SRD5A1: variants seen among roughly 807,000 people sequenced by gnomAD.
SRD5A1 encodes 3-oxo-5-alpha-steroid 4-dehydrogenase 1.
A neutral mutation model predicts 28.2 loss-of-function variants in SRD5A1; 22 were observed. The observed-to-expected ratio is 0.78, with a 90% CI of 0.56 to 1.12. The LOEUF (loss-of-function observed/expected upper bound fraction) is 1.12, where lower values mean the gene tolerates loss of function less well. Among genes scored for constraint, SRD5A1 ranks in the 50% most tolerant of loss-of-function variants. SRD5A1 has a pLI of 0.00. For missense variants in SRD5A1, 300 were observed against 346.7 expected, an observed-to-expected ratio of 0.87 and a Z score of 1.07; for synonymous variants, 151 against 135.0, an observed-to-expected ratio of 1.12 and a Z score of -0.82.
At position 6,667,113 on chromosome 5, in the gene SRD5A1, G is replaced by A. The variant is rs185355239; in HGVS notation, c.714-1089G>A. ...GCGAACATGTTTGCAATGCACTTTC[G>A]CAGGTTTGACACCAGCTGTTAGGCT... On this transcript the variant is annotated intron_variant, in intron 4 of 4. Coordinates refer to ENST00000274192, the MANE Select transcript of SRD5A1 (RefSeq NM_001047.4). Among the ~76,000 whole-genome samples, 234 of 152,292 alleles carry A rather than the reference G, an allele frequency of 1.5e-3. 2 individuals carry two copies. Among genetic ancestry groups the A allele is most frequent in the African/African-American group, 4.0e-3 (165 of 41,558 alleles).
rs8192252 is a variant in SRD5A1, at chr5:6,667,830, T to A, written c.714-372T>A. ...TGCAGGCTGGAGAAAACTGCTGGAG[T>A]CACCAGCAGGTATTCAGGAAGCACC... On this transcript the variant is annotated intron_variant, in intron 4 of 4. Coordinates refer to ENST00000274192, the MANE Select transcript of SRD5A1 (RefSeq NM_001047.4). Among the ~76,000 whole-genome samples the A allele has an allele frequency of 2.0e-5, 3 of 152,056 alleles. No homozygotes were observed. The East Asian group carries it at 5.8e-4, about 29-fold the overall frequency.
chr5:6,662,729 T>C (rs535455349), intron 3 of SRD5A1, 87 bp from the exon 4 acceptor site: 8 of 1,414,456 alleles, frequency 5.7e-6, no homozygotes, highest in Non-Finnish European at 7.8e-6. Context: ...TGAATTTATG[T>C]TCTCCAGGTA....
At chr5:6,664,842 G>C (rs780274655) in intron 4 of SRD5A1, among the ~76,000 whole-genome samples, 6 of 152,264 alleles carry the variant, frequency 3.9e-5, no homozygotes, top group Non-Finnish European at 5.9e-5. Context: ...CGAGATCAGA[G>C]AGCCACGACC....
intron 2 of SRD5A1, among the ~76,000 whole-genome samples, chr5:6,655,292 TA>T (rs1304612140): frequency 6.6e-6 from 1 of 152,244 alleles, no homozygotes; most frequent in African/African-American, 2.4e-5. Context: ...ATTTCTTTTA[TA>T]AAACACTGTT....
At chr5:6,645,888 A>G (rs959492905) in intron 1 of SRD5A1, among the ~76,000 whole-genome samples, 2 of 152,050 alleles carry the variant, frequency 1.3e-5, no homozygotes, top group Non-Finnish European at 2.9e-5. Context: ...GTATATGTGC[A>G]GAACGTGCAG....
chr5:6,658,304 G>A (rs1251191767), intron 3 of SRD5A1, among the ~76,000 whole-genome samples: 5 of 152,248 alleles, frequency 3.3e-5, no homozygotes, highest in South Asian at 2.1e-4. Context: ...CAGCCTGGAC[G>A]ACAGAGTGAG....
intron 2 of SRD5A1, among the ~76,000 whole-genome samples, chr5:6,654,427 G>GT (rs748129203): frequency 2.0e-4 from 28 of 137,736 alleles, no homozygotes; most frequent in Non-Finnish European, 2.6e-4. Context: ...AAGATTTTAA[G>GT]TTTTTTTTTT....
intron 1 of SRD5A1, among the ~76,000 whole-genome samples, chr5:6,643,991 A>G (rs1407482901): frequency 6.6e-6 from 1 of 152,202 alleles, no homozygotes; most frequent in Non-Finnish European, 1.5e-5. Flanking sequence ...TTTTCAGGTC[A>G]GAATTCAACC....
At chr5:6,633,906 C>G (rs1222464530) in intron 1 of SRD5A1, 37 bp downstream of exon 1, 3 of 1,589,338 alleles carry the variant, frequency 1.9e-6, no homozygotes, top group Non-Finnish European at 2.6e-6. Context: ...ACCCTACTCC[C>G]GGCCCGGCGT....
chr5:6,647,473 A>G lies in SRD5A1; in HGVS notation c.294-4369A>G, dbSNP rs148031989. Among the ~76,000 whole-genome samples, 554 of 152,280 alleles carry G rather than the reference A, an allele frequency of 3.6e-3. 1 individual carries two copies. Among genetic ancestry groups the G allele is most frequent in the Non-Finnish European group, 6.6e-3 (448 of 68,028 alleles). ...ATCTGGGTGCTCCTGTATTGGGTGC[A>G]TATATATCTAGGATAGTTACCTCTG... On this transcript the variant is annotated intron_variant, in intron 1 of 4. Coordinates refer to ENST00000274192, the MANE Select transcript of SRD5A1 (RefSeq NM_001047.4).
rs557205481 is a variant in SRD5A1 at position 6,641,572 on chromosome 5, C to T, written c.293+7703C>T. Among the ~76,000 whole-genome samples, 543 of 152,282 alleles carry T rather than the reference C, an allele frequency of 3.6e-3. 4 individuals carry two copies. The highest frequency in any genetic ancestry group is 0.014 in the Middle Eastern group (4 of 294). On this transcript the variant is annotated intron_variant, in intron 1 of 4. Transcript: ENST00000274192. ...CCCCTGTCCACCACTCTGTTGACTTCAGCGGTTTTATGACAGGCCTATAGG... is the reference window on the plus strand; with the variant it reads ...CCCCTGTCCACCACTCTGTTGACTTTAGCGGTTTTATGACAGGCCTATAGG...
At position 6,633,682 on chromosome 5, in the gene SRD5A1, T is replaced by G; in HGVS notation, c.106T>G (p.Ser36Ala). ...AVFARNRQTN[S>A]VYGRHALPSH... is the part of the protein sequence containing the mutation. ...CTTCGCGCGCAATCGTCAGACGAAC[T>G]CAGTGTACGGCCGCCACGCGCTGCC... The change falls in exon 1 of 5, where the codon TCA becomes GCA. Residue 36 changes from serine to alanine, a missense_variant. Ser to Ala is a moderately conservative substitution (Grantham distance 99). This residue lies in a region of SRD5A1 where 174 missense variants were observed against 160.9 expected (regional missense o/e 1.08). Transcript: ENST00000274192. 1.3e-6 allele frequency: 2 copies of G among 1,586,636 alleles called. No homozygotes were observed. The highest frequency in any genetic ancestry group is 1.7e-6 in the Non-Finnish European group (2 of 1,174,154).
chr5:6,636,982 G>A (rs1372210418), intron 1 of SRD5A1, among the ~76,000 whole-genome samples: 3 of 152,168 alleles, frequency 2.0e-5, no homozygotes, highest in African/African-American at 7.2e-5. Context: ...AGTTCCCCCA[G>A]GAGGGCAAAG....
chr5:6,640,281 G>T (rs1367666878), intron 1 of SRD5A1, among the ~76,000 whole-genome samples: 1 of 152,122 alleles, frequency 6.6e-6, no homozygotes, highest in Non-Finnish European at 1.5e-5. Flanking sequence ...ATAGGATTAG[G>T]AATTATTAGA....
At chr5:6,653,726 G>C (rs1436502251) in intron 2 of SRD5A1, among the ~76,000 whole-genome samples, 1 of 152,140 alleles carries the variant, frequency 6.6e-6, no homozygotes, top group Non-Finnish European at 1.5e-5. Flanking sequence ...AGAGTCTCAT[G>C]GGACTCACCT....
chr5:6,662,824 T>C lies in SRD5A1; in HGVS notation c.571T>C (p.Phe191Leu), dbSNP rs771373838. 4 of 1,612,160 alleles carry C rather than the reference T, an allele frequency of 2.5e-6. No homozygotes were observed. The African/African-American group carries it at 4.0e-5, about 16-fold the overall frequency. ...TCTGTGTTTTCTTCTAGGAGGCTTA[T>C]TTGAATACGTAACTGCAGCCAACTA... is the stretch of plus-strand genomic sequence containing the variant. Reference protein sequence around the residue: ...TGYKIPRGGLFEYVTAANYFG... With the variant: ...TGYKIPRGGLLEYVTAANYFG... Residue 191 changes from phenylalanine to leucine, a missense_variant, in exon 4 of 5, where the codon TTT becomes CTT. By Grantham distance (22) the Phe-to-Leu change is conservative. Transcript: ENST00000274192.
intron 1 of SRD5A1, among the ~76,000 whole-genome samples, chr5:6,634,134 A>G (rs951860748): frequency 1.1e-4 from 17 of 152,140 alleles, no homozygotes; most frequent in African/African-American, 3.9e-4. Context: ...ACATGATGAA[A>G]CTGATCTGGA....
chr5:6,639,310 CT>C (rs1264707797), intron 1 of SRD5A1, among the ~76,000 whole-genome samples: 3 of 152,300 alleles, frequency 2.0e-5, no homozygotes, highest in African/African-American at 7.2e-5. Flanking sequence ...GCATACTGTG[CT>C]ATATTTTGAG....
chr5:6,667,916 C>T (rs1243212323), intron 4 of SRD5A1, among the ~76,000 whole-genome samples: 6 of 152,180 alleles, frequency 3.9e-5, no homozygotes, highest in Non-Finnish European at 7.3e-5. Flanking sequence ...AAGACAGCTC[C>T]GCAATGTGCT....
Sources: gnomAD v4.1 joint callset for allele counts (sites outside exome capture counted in the v4.1 genomes callset) on GRCh38, gnomAD v4.1.1 for gene constraint, gnomAD v4.1.1 regional missense constraint, MANE v1.5 for transcripts, NCBI Gene and HGNC (gene_info 2026-07-23, HGNC 2026-07-21) for gene names.